The following PCNX4 variants were observed in gnomAD, a reference collection of about 807,000 sequenced individuals.
PCNX4 encodes pecanex-like protein 4.
A neutral mutation model predicts 107.2 loss-of-function variants in PCNX4; 103 were observed. The ratio of observed to expected loss-of-function variants is 0.96; its 90% confidence interval spans 0.82 to 1.13. The LOEUF is 1.13. Ranked by LOEUF, PCNX4 falls within the 50% of genes most tolerant of loss-of-function variation. The probability of loss-of-function intolerance (pLI) is 0.00; values close to 1 mark genes in which losing one functional copy is unlikely to be tolerated. For synonymous variants in PCNX4, 541 were observed against 481.7 expected, an observed-to-expected ratio of 1.12 and a Z score of -1.61; for missense variants, 1,528 against 1,379.4, an observed-to-expected ratio of 1.11 and a Z score of -1.71.
At chr14:60,096,418 G>A (rs1045678032) in intron 1 of PCNX4, among the ~76,000 whole-genome samples, 2 of 152,118 alleles carry the variant, frequency 1.3e-5, no homozygotes, top group Non-Finnish European at 2.9e-5. Context: ...CCTATCTGTG[G>A]TACAAAGATT....
rs200008756 is a variant in PCNX4 at position 60,118,525 on chromosome 14, C to T, written c.1775C>T (p.Pro592Leu). ...ACACTACTCTCTTCTCCCTTACTCC[C>T]TCTTTTCACCCTTCCTGTGTTCTTG... ...FSTLLSSPLL[P>L]LFTLPVFLVG... Residue 592 changes from proline (P) to leucine (L), a missense_variant, in exon 7 of 11, where the codon CCT (proline) becomes CTT (leucine). Pro to Leu is a moderately conservative substitution (Grantham distance 98). Transcript: ENST00000406854. 1.9e-6 allele frequency: 3 copies of T among 1,613,726 alleles called. No homozygotes were observed. The highest frequency in any genetic ancestry group is 2.5e-6 in the Non-Finnish European group (3 of 1,179,866).
intron 7 of PCNX4, among the ~76,000 whole-genome samples, chr14:60,119,736 T>G (rs1895920049): frequency 6.6e-6 from 1 of 152,196 alleles, no homozygotes; most frequent in South Asian, 2.1e-4. Flanking sequence ...TACTTTATTA[T>G]CAAACCAATT....
At chr14:60,132,996 T>C (rs1375663454) in intron 10 of PCNX4, among the ~76,000 whole-genome samples, 1 of 152,104 alleles carries the variant, frequency 6.6e-6, no homozygotes, top group Admixed American at 6.5e-5. Flanking sequence ...CTCTTGGGAA[T>C]GTAAAATGGT....
chr14:60,105,231 A>G (rs1895607965), intron 1 of PCNX4, among the ~76,000 whole-genome samples: 1 of 152,218 alleles, frequency 6.6e-6, no homozygotes, highest in Non-Finnish European at 1.5e-5. Context: ...ATACTCAGCT[A>G]GACCAAACTG....
chr14:60,117,786 C>T (rs1300017174), intron 6 of PCNX4, among the ~76,000 whole-genome samples: 1 of 152,052 alleles, frequency 6.6e-6, no homozygotes, highest in African/African-American at 2.4e-5. Flanking sequence ...CCATACTCTT[C>T]TATTTTCTGG....
Position 60,145,013 on chromosome 14 carries a change from C to G in PCNX4, c.*10792C>G. On this transcript the variant is annotated 3_prime_UTR_variant, in exon 11 of 11. Coordinates refer to ENST00000406854, the MANE Select transcript of PCNX4 (RefSeq NM_001330177.2). The surrounding 1 kb of genome is among the most constrained non-coding windows in gnomAD (Gnocchi z 4.0). ...ATTTTAAAATAAGAAGAGTCTGCAT[C>G]CTGTAAAAGAGGGACAGAAACATGG... is the stretch of plus-strand genomic sequence containing the variant. 6.3e-7 allele frequency: 1 copy of G among 1,586,602 alleles called. No individual in the cohort carries two copies. The highest frequency in any genetic ancestry group is 8.5e-7 in the Non-Finnish European group (1 of 1,171,888).
rs536950965 is a variant in PCNX4 at position 60,091,931 on chromosome 14, G to T, written c.-542G>T. The T allele has an allele frequency of 4.6e-5, 7 of 152,470 alleles. No individual in the cohort carries two copies. In the East Asian group the frequency reaches 1.3e-3, roughly 29 times the overall value. 9.4% of individuals were successfully genotyped at this position (152,470 alleles called of 1,614,324 possible). ...AGGGCAACGACGCTCTTGCGTAAAG[G>T]CCCGGCCCAAGGGAACGTTCAGGGC... On this transcript the variant is annotated 5_prime_UTR_variant, in exon 1 of 11. Transcript: ENST00000406854.
At chr14:60,109,088 G>C (rs866230595) in intron 2 of PCNX4, 1 of 167,050 alleles carries the variant, frequency 6.0e-6, no homozygotes, top group Middle Eastern at 3.4e-3. Flanking sequence ...TTGGTATGAT[G>C]GGACTAGTCC....
rs1235252269 is a variant in PCNX4, at chr14:60,144,243, G to C, written c.*10022G>C. The C allele has an allele frequency of 6.6e-6, 1 of 152,184 alleles. No individual in the cohort carries two copies. Among genetic ancestry groups the C allele is most frequent in the Non-Finnish European group, 1.5e-5 (1 of 68,048 alleles). 9.4% of individuals were successfully genotyped at this position (152,184 alleles called of 1,614,324 possible). A position where few individuals can be genotyped will look rare whatever the true frequency, so the allele number is the denominator to read the frequency against. On this transcript the variant is annotated 3_prime_UTR_variant, in exon 11 of 11. Transcript: ENST00000406854. ...AAGAGTATAAGCATCTTGGAGGTAA[G>C]GTCATTTCAAATACTTCTTTATATC...
chr14:60,127,060 A>T (rs1043821296), intron 10 of PCNX4, among the ~76,000 whole-genome samples: 1 of 152,236 alleles, frequency 6.6e-6, no homozygotes. Flanking sequence ...TCTTCTTCCC[A>T]GAGGAACTGA....
chr14:60,107,979 A>G lies in PCNX4; in HGVS notation c.341A>G (p.Asp114Gly). 4 of 1,612,876 alleles carry G rather than the reference A, an allele frequency of 2.5e-6. No individual in the cohort carries two copies. The highest frequency in any genetic ancestry group is 3.4e-6 in the Non-Finnish European group (4 of 1,179,856). Residue 114 changes from aspartate (D) to glycine (G), a missense_variant, in exon 2 of 11, where the codon GAT (aspartate) becomes GGT (glycine). By Grantham distance (94) the Asp-to-Gly change is moderately conservative. Transcript: ENST00000406854. ...ACCACGGATATCTTAGCAGAGGAGGATGAGCATGAATTTACCAGTTGTACT... is the reference window on the plus strand; with the variant it reads ...ACCACGGATATCTTAGCAGAGGAGGGTGAGCATGAATTTACCAGTTGTACT... Reference protein sequence around the residue: ...ILTTDILAEEDEHEFTSCTGA... With the variant: ...ILTTDILAEEGEHEFTSCTGA...
Position 60,126,155 on chromosome 14 carries a change from A to G in PCNX4, c.3267+332A>G, listed in dbSNP as rs537791841. ...ATTCCTGTGTTCAAGTGTATGAATC[A>G]TCACTTGGATTTGACTCCTAGAAAA... On this transcript the variant is annotated intron_variant, in intron 10 of 10. Coordinates refer to ENST00000406854, the MANE Select transcript of PCNX4 (RefSeq NM_001330177.2). 1.1e-4 allele frequency: 17 copies of G among 160,386 alleles called. No homozygotes were observed. In the South Asian group the frequency reaches 3.4e-3, roughly 32 times the overall value. 9.9% of individuals were successfully genotyped at this position (160,386 alleles called of 1,614,324 possible).
In PCNX4 at chr14:60,136,776, G is replaced by C. The variant is rs1896245705; in HGVS notation, c.*2555G>C. 1 of 152,526 alleles carries C rather than the reference G, an allele frequency of 6.6e-6. No individual in the cohort carries two copies. Among genetic ancestry groups the C allele is most frequent in the Admixed American group, 6.5e-5 (1 of 15,270 alleles). 9.4% of individuals were successfully genotyped at this position (152,526 alleles called of 1,614,324 possible). On this transcript the variant is annotated 3_prime_UTR_variant, in exon 11 of 11. Coordinates refer to ENST00000406854, the MANE Select transcript of PCNX4 (RefSeq NM_001330177.2). The stretch of plus-strand genomic sequence containing the variant: ...GGTGGTTCTGGCCCTTGTTGTGGTG[G>C]GATGTCATCATAGTATTCCTTGGAA...
chr14:60,125,682 A>G lies in PCNX4; in HGVS notation c.3126A>G (p.Ile1042Met), dbSNP rs760508281. 8 of 1,588,534 alleles carry G rather than the reference A, an allele frequency of 5.0e-6. No homozygotes were observed. Among genetic ancestry groups the G allele is most frequent in the Non-Finnish European group, 6.8e-6 (8 of 1,168,050 alleles). ...LMIDKASLGP[I>M]EDFRELIKYL... is the part of the protein sequence containing the mutation. ...TTGATAAAGCAAGTTTAGGTCCAAT[A>G]GAAGACTTTAGAGAACTGATTAAGT... Residue 1042 changes from isoleucine to methionine, a missense_variant, in exon 10 of 11, where the codon ATA (isoleucine) becomes ATG (methionine). Ile to Met is a conservative substitution (Grantham distance 10, BLOSUM62 1). Coordinates refer to ENST00000406854, the MANE Select transcript of PCNX4 (RefSeq NM_001330177.2).
chr14:60,118,669 C>G lies in PCNX4; in HGVS notation c.1919C>G (p.Thr640Ser). ...CCCAGGTTGACTGCTGTACTGCAGA[C>G]TGCAATGGCAGCTGGAAGTTTAGGT... ...MVPRLTAVLQ[T>S]AMAAGSLGLL... The change falls in exon 7 of 11, where the codon ACT becomes AGT. Residue 640 changes from threonine to serine, a missense_variant. Transcript: ENST00000406854. 1.3e-6 allele frequency: 2 copies of G among 1,579,610 alleles called. No individual in the cohort carries two copies. Among genetic ancestry groups the G allele is most frequent in the Non-Finnish European group, 1.7e-6 (2 of 1,158,268 alleles).
rs552534620 is a variant in PCNX4 at position 60,115,403 on chromosome 14, T to C, written c.1299T>C (p.Phe433=). 1 of 1,569,880 alleles carries C rather than the reference T, an allele frequency of 6.4e-7. No homozygotes were observed. The highest frequency in any genetic ancestry group is 1.2e-5 in the South Asian group (1 of 84,228). ...ATGTGCAAACTGTGACTGTATTCTT[T>C]GAGAAGCAAACTAGGCTCATGAAGA... ...PKDVQTVTVF[F]EKQTRLMKIG... Residue 433 remains phenylalanine, a synonymous_variant, in exon 4 of 11, where the codon TTT becomes TTC. Coordinates refer to ENST00000406854, the MANE Select transcript of PCNX4 (RefSeq NM_001330177.2).
rs763000564 is a variant in PCNX4, at chr14:60,135,701, T to G, written c.*1480T>G. On this transcript the variant is annotated 3_prime_UTR_variant, in exon 11 of 11. Coordinates refer to ENST00000406854, the MANE Select transcript of PCNX4 (RefSeq NM_001330177.2). The stretch of plus-strand genomic sequence containing the variant: ...CTGAGTAGCTGGGATTAAAGGCGCA[T>G]GCCACCACGCCGGCTAATTTTTGTA... 3.3e-5 allele frequency: 5 copies of G among 152,172 alleles called. No homozygotes were observed. The highest frequency in any genetic ancestry group is 5.9e-5 in the Non-Finnish European group (4 of 68,090). The allele number at this position is 152,172 out of a possible 1,614,324, so 9.4% of individuals were successfully genotyped here. A position where few individuals can be genotyped will look rare whatever the true frequency, so the allele number is the denominator to read the frequency against.
Position 60,121,195 on chromosome 14 carries a change from G to A in PCNX4, c.1943-1G>A. 7.7e-7 allele frequency: 1 copy of A among 1,302,984 alleles called. No individual in the cohort carries two copies. The highest frequency in any genetic ancestry group is 1.0e-6 in the Non-Finnish European group (1 of 963,234). The allele number at this position is 1,302,984 out of a possible 1,614,324, so 80.7% of individuals were successfully genotyped here. On this transcript the variant is annotated splice_acceptor_variant, in intron 7 of 10. Coordinates refer to ENST00000406854, the MANE Select transcript of PCNX4 (RefSeq NM_001330177.2). LOFTEE classifies it high-confidence loss of function. ...TTTTTTTTTTTTCTAATTTGTTGTA[G>A]GTCTCCTCCTACCTGGATCTCATTA...
intron 1 of PCNX4, among the ~76,000 whole-genome samples, chr14:60,095,245 G>T (rs1895401452): frequency 6.6e-6 from 1 of 152,152 alleles, no homozygotes; most frequent in Non-Finnish European, 1.5e-5. Context: ...CAGTGAATCT[G>T]CATTTTTTAC....
Sources: allele counts gnomAD v4.1 joint callset (sites outside exome capture counted in the v4.1 genomes callset), GRCh38; gene constraint gnomAD v4.1.1; non-coding constraint Gnocchi (gnomAD v3.1); transcripts MANE v1.5; gene names NCBI Gene and HGNC (gene_info 2026-07-23, HGNC 2026-07-21).